DCC: variants seen among roughly 807,000 people sequenced by gnomAD.
The protein encoded by DCC is netrin receptor DCC.
Under a neutral mutation model 172.5 loss-of-function variants are expected in DCC, and 58 were observed. That is an observed-to-expected ratio of 0.34 (90% CI 0.27 to 0.42). The LOEUF is 0.42. Among genes scored for constraint, DCC ranks in the 10% least tolerant of loss-of-function variants. The pLI is 1.00. For synonymous variants in DCC, 709 were observed against 644.5 expected, an observed-to-expected ratio of 1.10 and a Z score of -1.52; for missense variants, 1,740 against 1,791.0, an observed-to-expected ratio of 0.97 and a Z score of 0.51.
At chr18:52,752,802 G>A (rs1034315229) in intron 2 of DCC, among the ~76,000 whole-genome samples, 1 of 152,024 alleles carries the variant, frequency 6.6e-6, no homozygotes, top group African/African-American at 2.4e-5. Flanking sequence ...CTAGTTCTAT[G>A]AGTCTGACTT....
intron 16 of DCC, among the ~76,000 whole-genome samples, chr18:53,390,266 C>CCTTT (rs34412320): frequency 2.1e-5 from 3 of 140,732 alleles, no homozygotes; most frequent in Non-Finnish European, 1.6e-5. Context: ...TCTCTCTCTC[C>CCTTT]TTTTATTTTT....
chr18:53,497,098 T>G (rs921310097), intron 26 of DCC, among the ~76,000 whole-genome samples: 1 of 152,284 alleles, frequency 6.6e-6, no homozygotes, highest in African/African-American at 2.4e-5. Flanking sequence ...TGGATGAATA[T>G]TTTTAATGTG....
intron 1 of DCC, among the ~76,000 whole-genome samples, chr18:52,424,178 T>A (rs555064633): frequency 1.4e-4 from 21 of 152,268 alleles, no homozygotes; most frequent in African/African-American, 4.8e-4. Flanking sequence ...TAAAACTGAA[T>A]ATTATATTAA....
intron 12 of DCC, among the ~76,000 whole-genome samples, chr18:53,287,861 A>C (rs1343922499): frequency 6.6e-6 from 1 of 152,210 alleles, no homozygotes; most frequent in African/African-American, 2.4e-5. Flanking sequence ...ACTATTAAAA[A>C]AGTAGCCACT....
chr18:52,635,912 T>C lies in DCC; in HGVS notation c.92-116142T>C, dbSNP rs573570071. ...AGCGGCTCGCATTGTGAATTTTAGC[T>C]CCAGATTGACTACAAGAGCAAACTA... On this transcript the variant is annotated intron_variant, in intron 1 of 28. Coordinates refer to ENST00000442544, the MANE Select transcript of DCC (RefSeq NM_005215.4). 4.6e-5 allele frequency among the ~76,000 whole-genome samples: 7 copies of C among 152,280 alleles called. No homozygotes were observed. In the South Asian group the frequency reaches 1.5e-3, roughly 32 times the overall value.
Position 52,776,690 on chromosome 18 carries a change from TAA to T in DCC, c.412+24319_412+24320del, listed in dbSNP as rs375800331. Among the ~76,000 whole-genome samples, 162 of 151,982 alleles carry T rather than the reference TAA, an allele frequency of 1.1e-3. 5 individuals carry two copies. In the East Asian group the frequency reaches 0.024, roughly 22 times the overall value. ...ACGATTTAAGAAAATGAAGGATAAATAAAAGTTTCAGAGAAAAACGCACATAC... is the reference window on the plus strand; with the variant it reads ...ACGATTTAAGAAAATGAAGGATAAATAAGTTTCAGAGAAAAACGCACATAC... On this transcript the variant is annotated intron_variant, in intron 2 of 28. Transcript: ENST00000442544.
chr18:53,234,219 C>T (rs1248348525), intron 12 of DCC, among the ~76,000 whole-genome samples: 1 of 151,784 alleles, frequency 6.6e-6, no homozygotes, highest in Non-Finnish European at 1.5e-5. Flanking sequence ...CATCGCACTC[C>T]AGCCTAGGCA....
intron 2 of DCC, among the ~76,000 whole-genome samples, chr18:52,857,730 A>T (rs184881865): frequency 6.6e-6 from 1 of 152,226 alleles, no homozygotes; most frequent in East Asian, 1.9e-4. Flanking sequence ...CAACCCTTCC[A>T]ATCACTGTGA....
chr18:53,221,939 A>G (rs1420054086), intron 12 of DCC, among the ~76,000 whole-genome samples: 1 of 152,202 alleles, frequency 6.6e-6, no homozygotes, highest in Admixed American at 6.5e-5. Flanking sequence ...CAACTGTCAT[A>G]TTTAATAAGA....
At chr18:52,728,989 G>A (rs138602125) in intron 1 of DCC, among the ~76,000 whole-genome samples, 22 of 152,232 alleles carry the variant, frequency 1.4e-4, no homozygotes, top group East Asian at 5.8e-4. Flanking sequence ...CTCTAAGACC[G>A]GGCTCCCTAC....
intron 5 of DCC, among the ~76,000 whole-genome samples, chr18:53,055,432 G>A (rs1220367847): frequency 6.6e-6 from 1 of 152,112 alleles, no homozygotes; most frequent in Non-Finnish European, 1.5e-5. Flanking sequence ...AATAATCACT[G>A]CCAGATGAGA....
chr18:52,385,598 G>A (rs1161514380), intron 1 of DCC, among the ~76,000 whole-genome samples: 2 of 152,064 alleles, frequency 1.3e-5, no homozygotes, highest in African/African-American at 4.8e-5. Context: ...AAAACACTCA[G>A]AGGATGAAGT....
At chr18:52,855,914 T>TG (rs199766953) in intron 2 of DCC, among the ~76,000 whole-genome samples, 3,336 of 152,002 alleles carry the variant, frequency 0.022, 66 homozygotes, top group Admixed American at 0.041. Context: ...TACAGGCACG[T>TG]GCCACCATGC....
chr18:52,694,295 T>C (rs1023471006), intron 1 of DCC, among the ~76,000 whole-genome samples: 2 of 152,026 alleles, frequency 1.3e-5, no homozygotes, highest in Admixed American at 1.3e-4. Flanking sequence ...ACTAAAAAGA[T>C]ATGATGATGG....
At chr18:52,671,188 CA>C (rs146107368) in intron 1 of DCC, among the ~76,000 whole-genome samples, 1 of 152,292 alleles carries the variant, frequency 6.6e-6, no homozygotes, top group East Asian at 1.9e-4. Context: ...ATGAGTTCTT[CA>C]TAATCCAAGA....
At chr18:53,144,415 G>T (rs1257364164) in intron 7 of DCC, among the ~76,000 whole-genome samples, 1 of 152,116 alleles carries the variant, frequency 6.6e-6, no homozygotes, top group African/African-American at 2.4e-5. Flanking sequence ...ACCTGGTTGG[G>T]GAGGCCTGGC....
At chr18:53,105,711 G>C (rs148870027) in intron 7 of DCC, among the ~76,000 whole-genome samples, 1 of 151,698 alleles carries the variant, frequency 6.6e-6, no homozygotes, top group Non-Finnish European at 1.5e-5. Context: ...CCCCTCCCAC[G>C]TGCATATCCC....
intron 1 of DCC, among the ~76,000 whole-genome samples, chr18:52,370,631 G>A (rs1286598087): frequency 6.6e-6 from 1 of 152,096 alleles, no homozygotes; most frequent in Non-Finnish European, 1.5e-5. Context: ...CCTAGATGAT[G>A]GGTTGATCTG....
At chr18:53,417,314 G>T (rs1263583254) in intron 21 of DCC, among the ~76,000 whole-genome samples, 1 of 152,100 alleles carries the variant, frequency 6.6e-6, no homozygotes, top group Non-Finnish European at 1.5e-5. Flanking sequence ...CATGGCTAGG[G>T]GTTTACGTGG....
Sources: gnomAD v4.1 joint callset for allele counts (sites outside exome capture counted in the v4.1 genomes callset) on GRCh38, gnomAD v4.1.1 for gene constraint, MANE v1.5 for transcripts, NCBI Gene and HGNC (gene_info 2026-07-23, HGNC 2026-07-21) for gene names.